Variants in NEK11 observed in about 807,000 individuals in gnomAD.
NEK11 encodes the protein serine/threonine-protein kinase Nek11.
In NEK11, 72 loss-of-function variants were observed where a neutral mutation model predicts 80.7. That is an observed-to-expected ratio of 0.89 (90% CI 0.74 to 1.08). The LOEUF is 1.08. NEK11 is among the 50% of genes least tolerant of loss of function. NEK11 has a pLI of 0.00. For missense variants in NEK11, 764 were observed against 763.6 expected, an observed-to-expected ratio of 1.00 and a Z score of -0.01; for synonymous variants, 251 against 260.7, an observed-to-expected ratio of 0.96 and a Z score of 0.36.
chr3:131,034,407 T>A (rs1163818766), intron 3 of NEK11, among the ~76,000 whole-genome samples: 1 of 150,986 alleles, frequency 6.6e-6, no homozygotes, highest in Non-Finnish European at 1.5e-5. Flanking sequence ...CAATTTAAAT[T>A]TTTTTTTTTT....
intron 14 of NEK11, among the ~76,000 whole-genome samples, chr3:131,209,250 T>C (rs1371797396): frequency 6.6e-6 from 1 of 152,214 alleles, no homozygotes; most frequent in Non-Finnish European, 1.5e-5. Flanking sequence ...GTTTTTGTCT[T>C]TGGTTCTGTT....
At chr3:131,121,923 C>T (rs1298972361) in intron 5 of NEK11, among the ~76,000 whole-genome samples, 1 of 152,234 alleles carries the variant, frequency 6.6e-6, no homozygotes, top group Non-Finnish European at 1.5e-5. Context: ...TCCCTGACCC[C>T]TTGCACTTCC....
chr3:131,061,580 T>A lies in NEK11; in HGVS notation c.171-18843T>A, dbSNP rs533861883. Among the ~76,000 whole-genome samples the A allele has an allele frequency of 3.9e-5, 6 of 152,294 alleles. No homozygotes were observed. In the East Asian group the frequency reaches 1.2e-3, roughly 29 times the overall value. On this transcript the variant is annotated intron_variant, in intron 3 of 17. Coordinates refer to ENST00000383366, the MANE Select transcript of NEK11 (RefSeq NM_024800.5). ...TGTTTCATTTCCCTACTCTTGCTTTTCTCTGAGAAAGGGAAAACAAGATTT... is the reference window on the plus strand; with the variant it reads ...TGTTTCATTTCCCTACTCTTGCTTTACTCTGAGAAAGGGAAAACAAGATTT...
intron 14 of NEK11, among the ~76,000 whole-genome samples, chr3:131,199,784 G>T (rs2094159488): frequency 6.6e-6 from 1 of 152,112 alleles, no homozygotes; most frequent in African/African-American, 2.4e-5. Flanking sequence ...TTTTCATAAA[G>T]CTTATATACC....
chr3:131,302,336 T>C (rs2096670686), intron 17 of NEK11, among the ~76,000 whole-genome samples: 1 of 152,040 alleles, frequency 6.6e-6, no homozygotes, highest in African/African-American at 2.4e-5. Flanking sequence ...CTTTTGGAGG[T>C]TTTTCACATC....
chr3:131,262,136 G>T (rs2095936068), intron 16 of NEK11, among the ~76,000 whole-genome samples: 1 of 152,076 alleles, frequency 6.6e-6, no homozygotes, highest in South Asian at 2.1e-4. Context: ...GATTGTAAAG[G>T]TATACTACGA....
intron 17 of NEK11, among the ~76,000 whole-genome samples, chr3:131,306,354 G>A (rs1024560416): frequency 6.6e-6 from 1 of 152,176 alleles, no homozygotes; most frequent in East Asian, 1.9e-4. Context: ...TGCAGTAAGT[G>A]TAGGGGGAGG....
intron 17 of NEK11, among the ~76,000 whole-genome samples, chr3:131,342,097 T>C (rs1251771330): frequency 1.3e-5 from 2 of 152,192 alleles, no homozygotes; most frequent in African/African-American, 2.4e-5. Context: ...GGAAGTGCCA[T>C]TGACAGAAAG....
At chr3:131,044,443 A>AAAAAGG (rs71627025) in intron 3 of NEK11, among the ~76,000 whole-genome samples, 6 of 83,612 alleles carry the variant, frequency 7.2e-5, no homozygotes, top group South Asian at 5.1e-4. Flanking sequence ...AAAAAAAAAA[A>AAAAAGG]GGTGGGGGGG....
chr3:131,041,631 TCAA>T (rs1313394686), intron 3 of NEK11, among the ~76,000 whole-genome samples: 1 of 152,164 alleles, frequency 6.6e-6, no homozygotes, highest in Non-Finnish European at 1.5e-5. Flanking sequence ...GTTTTTTAGT[TCAA>T]CACTAGTTTC....
intron 17 of NEK11, among the ~76,000 whole-genome samples, chr3:131,313,246 CATGTCTGCTATTGTAAATGGTGCTGCAGT>C (rs1335216981): frequency 2.0e-5 from 3 of 152,090 alleles, no homozygotes; most frequent in Non-Finnish European, 2.9e-5. Context: ...AGGTTGATTC[CATGTCTGCTATTGTAAATGGTGCTGCAGT>C]GAATATACAC....
At chr3:131,305,638 C>G (rs892430478) in intron 17 of NEK11, among the ~76,000 whole-genome samples, 1 of 152,170 alleles carries the variant, frequency 6.6e-6, no homozygotes, top group Non-Finnish European at 1.5e-5. Flanking sequence ...GGAATCTCAC[C>G]CCGTCCACCT....
At chr3:131,264,467 G>C (rs567231351) in intron 16 of NEK11, among the ~76,000 whole-genome samples, 7,750 of 152,202 alleles carry the variant, frequency 0.051, 307 homozygotes, top group Middle Eastern at 0.11. Flanking sequence ...TATTAAATAG[G>C]GAATCCTTTC....
chr3:131,207,750 T>C (rs2094487558), intron 14 of NEK11, among the ~76,000 whole-genome samples: 1 of 152,236 alleles, frequency 6.6e-6, no homozygotes, highest in Non-Finnish European at 1.5e-5. Context: ...GACTGTTGGC[T>C]GCATAAATGT....
intron 14 of NEK11, among the ~76,000 whole-genome samples, chr3:131,197,925 G>T (rs1419997752): frequency 6.6e-6 from 1 of 151,940 alleles, no homozygotes; most frequent in Non-Finnish European, 1.5e-5. Context: ...GATGATGATG[G>T]CAGTGTAAGA....
rs1407867312 is a variant in NEK11 at position 131,030,439 on chromosome 3, C to A, written c.170+561C>A. Reference sequence around the variant, plus strand: ...GAAAATAAGATGTTTGGGCATGCCACAGTCTCAGTGACAATATTACTTCCA... The same window carrying A: ...GAAAATAAGATGTTTGGGCATGCCAAAGTCTCAGTGACAATATTACTTCCA... On this transcript the variant is annotated intron_variant, in intron 3 of 17. Coordinates refer to ENST00000383366, the MANE Select transcript of NEK11 (RefSeq NM_024800.5). 4.6e-5 allele frequency among the ~76,000 whole-genome samples: 7 copies of A among 152,332 alleles called. No individual in the cohort carries two copies. The East Asian group carries it at 1.2e-3, about 25-fold the overall frequency.
At chr3:131,131,411 C>T (rs2084451476) in intron 5 of NEK11, among the ~76,000 whole-genome samples, 1 of 152,090 alleles carries the variant, frequency 6.6e-6, no homozygotes, top group Admixed American at 6.6e-5. Flanking sequence ...TGAAGATGGG[C>T]CTATTTGATT....
intron 14 of NEK11, among the ~76,000 whole-genome samples, chr3:131,202,792 C>T (rs544416251): frequency 4.6e-5 from 7 of 152,276 alleles, no homozygotes; most frequent in South Asian, 4.2e-4. Flanking sequence ...ACTTCTCAAA[C>T]GAAGACATTT....
At chr3:131,160,638 T>G (rs867627208) in intron 10 of NEK11, among the ~76,000 whole-genome samples, 1 of 151,688 alleles carries the variant, frequency 6.6e-6, no homozygotes, top group African/African-American at 2.4e-5. Context: ...CAGTGTCGAG[T>G]TGGATAAAGA....
Sources: gnomAD v4.1 joint callset for allele counts (sites outside exome capture counted in the v4.1 genomes callset) on GRCh38, gnomAD v4.1.1 for gene constraint, MANE v1.5 for transcripts, NCBI Gene and HGNC (gene_info 2026-07-23, HGNC 2026-07-21) for gene names.